PCDHAC1: variants seen among roughly 807,000 people sequenced by gnomAD.
PCDHAC1 encodes the protein protocadherin alpha subfamily C, 1, also known as protocadherin alpha-C1.
Under a neutral mutation model 60.0 loss-of-function variants are expected in PCDHAC1, and 42 were observed. The ratio of observed to expected loss-of-function variants is 0.70; its 90% CI spans 0.55 to 0.90. The LOEUF (loss-of-function observed/expected upper bound fraction) is 0.90. Among genes scored for constraint, PCDHAC1 ranks in the 40% least tolerant of loss-of-function variants. The probability of loss-of-function intolerance (pLI) is 0.00; values close to 1 mark genes in which losing one functional copy is unlikely to be tolerated. For synonymous variants in PCDHAC1, 468 were observed against 499.3 expected (o/e 0.94, Z 0.84); for missense variants, 1,160 against 1,222.3 (o/e 0.95, Z 0.76).
chr5:140,948,108 G>A (rs902891466), intron 1 of PCDHAC1, among the ~76,000 whole-genome samples: 2 of 151,096 alleles, frequency 1.3e-5, no homozygotes, highest in Non-Finnish European at 3.0e-5. Context: ...ATTTTTCTTC[G>A]TTTTACTAAT....
intron 3 of PCDHAC1, among the ~76,000 whole-genome samples, chr5:140,983,787 A>G (rs1439684844): frequency 6.6e-6 from 1 of 152,234 alleles, no homozygotes; most frequent in Non-Finnish European, 1.5e-5. Flanking sequence ...ATAACAGATG[A>G]CAGAATGTGT....
At chr5:140,993,996 G>C (rs1163632974) in intron 3 of PCDHAC1, among the ~76,000 whole-genome samples, 1 of 152,148 alleles carries the variant, frequency 6.6e-6, no homozygotes, top group Non-Finnish European at 1.5e-5. Flanking sequence ...CTTAGGTCAG[G>C]CCAGGCTCTG....
chr5:140,968,077 C>A lies in PCDHAC1; in HGVS notation c.2434-10872C>A, dbSNP rs1274008262. 2.5e-6 allele frequency: 4 copies of A among 1,614,020 alleles called. No homozygotes were observed. In the African/African-American group the frequency reaches 4.0e-5, roughly 16 times the overall value. On this transcript the variant is annotated intron_variant, in intron 1 of 3. Coordinates refer to ENST00000253807, the MANE Select transcript of PCDHAC1 (RefSeq NM_018898.5). ...GAGAGCGGGTGGCTGTCTACAACAT[C>A]ACGGTGACAGCCACAGATGGGGGAA...
intron 1 of PCDHAC1, among the ~76,000 whole-genome samples, chr5:140,943,500 G>T (rs907493905): frequency 6.6e-6 from 1 of 152,048 alleles, no homozygotes; most frequent in Non-Finnish European, 1.5e-5. Flanking sequence ...TGCTATCAAG[G>T]TTCATGGAAA....
intron 3 of PCDHAC1, among the ~76,000 whole-genome samples, chr5:141,006,406 G>T (rs553100919): frequency 6.6e-6 from 1 of 151,932 alleles, no homozygotes; most frequent in African/African-American, 2.4e-5. Flanking sequence ...GTAGAGACGC[G>T]GTTTCACTGT....
chr5:140,953,475 T>C (rs1178172011), intron 1 of PCDHAC1, among the ~76,000 whole-genome samples: 3 of 152,140 alleles, frequency 2.0e-5, no homozygotes, highest in African/African-American at 7.2e-5. Context: ...AACTTCCTCA[T>C]GCTGTGTCAC....
rs145171269 is a variant in PCDHAC1 at position 140,927,627 on chromosome 5, T to G, written c.735T>G (p.Thr245=). The change falls in exon 1 of 4, where the codon ACT becomes ACG. Residue 245 remains threonine (T), a synonymous_variant. Coordinates refer to ENST00000253807, the MANE Select transcript of PCDHAC1 (RefSeq NM_018898.5). Reference sequence around the variant, plus strand: ...TATACCGCACCAAGGTTCCAGAGACTGCACCCAATGGGACTGTGTTATTCC... The same window carrying G: ...TATACCGCACCAAGGTTCCAGAGACGGCACCCAATGGGACTGTGTTATTCC... The part of the protein sequence containing the change: ...RSVYRTKVPE[T]APNGTVLFRV... 6.2e-7 allele frequency: 1 copy of G among 1,614,180 alleles called. No homozygotes were observed. Among genetic ancestry groups the G allele is most frequent in the Non-Finnish European group, 8.5e-7 (1 of 1,180,006 alleles).
At position 140,928,143 on chromosome 5, in the gene PCDHAC1, C is replaced by T. The variant is rs983552748; in HGVS notation, c.1251C>T (p.Ala417=). 1.2e-6 allele frequency: 2 copies of T among 1,614,228 alleles called. No individual in the cohort carries two copies. Among genetic ancestry groups the T allele is most frequent in the Middle Eastern group, 1.6e-4 (1 of 6,062 alleles). The change falls in exon 1 of 4, where the codon GCC becomes GCT. Residue 417 remains alanine, a synonymous_variant. Coordinates refer to ENST00000253807, the MANE Select transcript of PCDHAC1 (RefSeq NM_018898.5). ...GTGAATACCAAGTCCTGATCACGGC[C>T]TCAGATAGTGGCTCACCCCCACTTA... ...QISEYQVLIT[A]SDSGSPPLST... is the part of the protein sequence containing the mutation.
At chr5:140,963,120 A>G (rs1210822785) in intron 1 of PCDHAC1, among the ~76,000 whole-genome samples, 1 of 152,174 alleles carries the variant, frequency 6.6e-6, no homozygotes, top group African/African-American at 2.4e-5. Context: ...ATAATTAAAG[A>G]GATAATATTA....
intron 2 of PCDHAC1, among the ~76,000 whole-genome samples, chr5:140,979,979 T>C (rs1007546118): frequency 6.6e-6 from 1 of 152,194 alleles, no homozygotes; most frequent in African/African-American, 2.4e-5. Flanking sequence ...ATGCATTAGA[T>C]TGAAATAAAT....
At chr5:141,009,568 G>A in intron 3 of PCDHAC1, 59 bp from the exon 4 acceptor site, 4 of 1,577,106 alleles carry the variant, frequency 2.5e-6, no homozygotes, top group Non-Finnish European at 3.4e-6. Context: ...TCTACCAGCA[G>A]TGTGGCATCA....
At chr5:140,968,578 C>T in intron 1 of PCDHAC1, 3 of 1,614,206 alleles carry the variant, frequency 1.9e-6, no homozygotes, top group Non-Finnish European at 2.5e-6. Context: ...GCTACCTGGT[C>T]ACCAAAGTCA....
At position 141,009,773 on chromosome 5, in the gene PCDHAC1, A is replaced by C. The variant is rs782087059; in HGVS notation, c.2728A>C (p.Ile910Leu). ...KFIIPGSPAI[I>L]SIRQEPTNSQ... is the part of the protein sequence containing the mutation. ...CATTATCCCAGGATCTCCTGCAATC[A>C]TCTCCATCCGGCAGGAGCCTACTAA... Residue 910 changes from isoleucine to leucine, a missense_variant, in exon 4 of 4, where the codon ATC becomes CTC. Physicochemically the swap from Ile to Leu is conservative, Grantham distance 5. Around this residue, in one of 3 missense-constraint regions of PCDHAC1, gnomAD observed 1,113 missense variants for 1,163.7 expected, o/e 0.96. Transcript: ENST00000253807. 1 of 1,614,128 alleles carries C rather than the reference A, an allele frequency of 6.2e-7. No individual in the cohort carries two copies. Among genetic ancestry groups the C allele is most frequent in the East Asian group, 2.2e-5 (1 of 44,878 alleles).
chr5:140,977,084 A>C lies in PCDHAC1; in HGVS notation c.2434-1865A>C, dbSNP rs545652987. On this transcript the variant is annotated intron_variant, in intron 1 of 3. Coordinates refer to ENST00000253807, the MANE Select transcript of PCDHAC1 (RefSeq NM_018898.5). ...TAGAAAATAGCAGCATGACAAATTA[A>C]ATGTGTCATTGGGGAAGTGAGATTG... is the stretch of plus-strand genomic sequence containing the variant. 2.0e-5 allele frequency among the ~76,000 whole-genome samples: 3 copies of C among 152,336 alleles called. No individual in the cohort carries two copies. The East Asian group carries it at 5.8e-4, about 29-fold the overall frequency.
chr5:140,993,460 TCTCACACACACA>T (rs2097560533), intron 3 of PCDHAC1, among the ~76,000 whole-genome samples: 2 of 104,506 alleles, frequency 1.9e-5, no homozygotes, highest in South Asian at 3.7e-4. Context: ...CTTCTTTCTT[TCTCACACACACA>T]CACACACACA....
chr5:140,982,566 A>C lies in PCDHAC1; in HGVS notation c.2581+3A>C. 1.2e-6 allele frequency: 2 copies of C among 1,614,088 alleles called. No individual in the cohort carries two copies. Among genetic ancestry groups the C allele is most frequent in the Non-Finnish European group, 1.7e-6 (2 of 1,179,950 alleles). ...AACAGTATCCAGTGCAACACCAGGT[A>C]AAGAGCTGGGGTCTCTCCATTCTTT... is the stretch of plus-strand genomic sequence containing the variant. On this transcript the variant is annotated splice_donor_region_variant and intron_variant, in intron 3 of 3. Transcript: ENST00000253807.
intron 1 of PCDHAC1, among the ~76,000 whole-genome samples, chr5:140,973,118 G>T (rs1554234897): frequency 1.3e-5 from 2 of 152,168 alleles, no homozygotes; most frequent in Non-Finnish European, 2.9e-5. Context: ...TAGCAGAGAT[G>T]AATTAAGTTT....
At chr5:140,996,831 T>C (rs1196344709) in intron 3 of PCDHAC1, among the ~76,000 whole-genome samples, 1 of 152,204 alleles carries the variant, frequency 6.6e-6, no homozygotes, top group Non-Finnish European at 1.5e-5. Flanking sequence ...CTACCAATAA[T>C]TTAGCGTGCA....
At chr5:140,977,589 G>A (rs567353301) in intron 1 of PCDHAC1, among the ~76,000 whole-genome samples, 15 of 152,274 alleles carry the variant, frequency 9.9e-5, no homozygotes, top group Admixed American at 2.6e-4. Flanking sequence ...AGAGCAGTTA[G>A]CATGTGAGGA....
Sources: allele counts gnomAD v4.1 joint callset (sites outside exome capture counted in the v4.1 genomes callset), GRCh38; gene constraint gnomAD v4.1.1; regional missense constraint gnomAD v4.1.1; transcripts MANE v1.5; gene names NCBI Gene and HGNC (gene_info 2026-07-23, HGNC 2026-07-21).